The following CKAP2L variants were observed in gnomAD, a reference collection of about 807,000 sequenced individuals.
The protein encoded by CKAP2L is cytoskeleton-associated protein 2-like.
Under a neutral mutation model 65.7 loss-of-function variants are expected in CKAP2L, and 42 were observed. That is an observed-to-expected ratio of 0.64 (90% confidence interval 0.50 to 0.83). The LOEUF (loss-of-function observed/expected upper bound fraction) is 0.83, where lower values mean the gene tolerates loss of function less well. CKAP2L is among the 40% of genes least tolerant of loss of function. The pLI is 0.00. For missense variants in CKAP2L, 908 were observed against 871.0 expected (o/e 1.04, Z -0.53); for synonymous variants, 325 against 313.5 (o/e 1.04, Z -0.39).
chr2:112,741,940 GTTTTTT>G (rs57634251), intron 7 of CKAP2L, among the ~76,000 whole-genome samples: 924 of 71,920 alleles, frequency 0.013, 3 homozygotes, highest in Non-Finnish European at 0.018. Context: ...TTTCTTTTCT[GTTTTTT>G]TTTTTTTTTT....
chr2:112,740,721 G>T, intron 8 of CKAP2L, 97 bp downstream of exon 8: 1 of 952,866 alleles, frequency 1.0e-6, no homozygotes, highest in Non-Finnish European at 1.6e-6. Flanking sequence ...CCTCACTGCA[G>T]GTCAGGTCTC....
chr2:112,741,286 A>G (rs1679945395), intron 7 of CKAP2L, among the ~76,000 whole-genome samples: 1 of 151,984 alleles, frequency 6.6e-6, no homozygotes, highest in Non-Finnish European at 1.5e-5. Flanking sequence ...ACATATCTCC[A>G]GTCTCCTATT....
In CKAP2L at chr2:112,737,989, A is replaced by C. The variant is rs1679449507; in HGVS notation, c.*834T>G. On this transcript the variant is annotated 3_prime_UTR_variant, in exon 9 of 9. Coordinates refer to ENST00000302450, the MANE Select transcript of CKAP2L (RefSeq NM_152515.5). ...ATATTTACATAATGACTAAGGTAAA[A>C]CCTTTCCACAAATAGTTGCCCAGGA... The C allele has an allele frequency of 6.6e-6, 1 of 152,172 alleles. No homozygotes were observed. The allele number at this position is 152,172 out of a possible 1,614,324, so 9.4% of individuals were successfully genotyped here.
chr2:112,746,605 T>C lies in CKAP2L; in HGVS notation c.1603-30A>G, dbSNP rs745339449. The C allele has an allele frequency of 2.0e-6, 3 of 1,517,540 alleles. No individual in the cohort carries two copies. In the African/African-American group the frequency reaches 4.1e-5, roughly 21 times the overall value. 94.0% of individuals were successfully genotyped at this position (1,517,540 alleles called of 1,614,324 possible). A position where few individuals can be genotyped will look rare whatever the true frequency, so the allele number is the denominator to read the frequency against. ...AATAAACCAAAATATCCAGAGGTAA[T>C]TATTACCATTTCACTGTTAGTCTCA... On this transcript the variant is annotated intron_variant, in intron 5 of 8. Coordinates refer to ENST00000302450, the MANE Select transcript of CKAP2L (RefSeq NM_152515.5).
chr2:112,753,007 T>A (rs1049391654), intron 4 of CKAP2L, among the ~76,000 whole-genome samples: 1 of 152,188 alleles, frequency 6.6e-6, no homozygotes, highest in Non-Finnish European at 1.5e-5. Context: ...GTAGCTGATC[T>A]CTGATAGTGC....
At chr2:112,745,769 AGGTCTATAAGGAT>A (rs1268809114) in intron 6 of CKAP2L, among the ~76,000 whole-genome samples, 2 of 152,180 alleles carry the variant, frequency 1.3e-5, no homozygotes, top group African/African-American at 2.4e-5. Flanking sequence ...GGAATGGCAA[AGGTCTATAAGGAT>A]GGTAAATAGG....
intron 7 of CKAP2L, among the ~76,000 whole-genome samples, chr2:112,741,943 T>C (rs1680001322): frequency 1.5e-5 from 2 of 131,532 alleles, no homozygotes; most frequent in South Asian, 2.3e-4. Context: ...CTTTTCTGTT[T>C]TTTTTTTTTT....
intron 3 of CKAP2L, among the ~76,000 whole-genome samples, chr2:112,760,445 TCAGG>T: frequency 6.6e-6 from 1 of 152,322 alleles, no homozygotes; most frequent in Non-Finnish European, 1.5e-5. Context: ...CAGAAAAGTA[TCAGG>T]CACACAGTAA....
chr2:112,740,940 C>T lies in CKAP2L; in HGVS notation c.1890G>A (p.Met630Ile), dbSNP rs533887912. 6.2e-7 allele frequency: 1 copy of T among 1,613,998 alleles called. No homozygotes were observed. Among genetic ancestry groups the T allele is most frequent in the Non-Finnish European group, 8.5e-7 (1 of 1,179,930 alleles). ...ITSVEELAKKMESVKSCLSPK... is the reference protein window; with the variant it reads ...ITSVEELAKKIESVKSCLSPK... ...GAGAAAGACAAGACTTCACAGATTC[C>T]ATCTTCTTGGCCAGCTCTTCCACTG... Residue 630 changes from methionine to isoleucine, a missense_variant, in exon 8 of 9, where the codon ATG (methionine) becomes ATA (isoleucine). Physicochemically the swap from Met to Ile is conservative, Grantham distance 10. Transcript: ENST00000302450.
At chr2:112,750,887 T>C (rs1354465178) in intron 5 of CKAP2L, among the ~76,000 whole-genome samples, 4 of 151,528 alleles carry the variant, frequency 2.6e-5, no homozygotes, top group Non-Finnish European at 5.9e-5. Flanking sequence ...GATGCAGACA[T>C]TGATGCAAGA....
rs754479578 is a variant in CKAP2L, at chr2:112,738,853, T to C, written c.2208A>G (p.Val736=). The change falls in exon 9 of 9, where the codon GTA becomes GTG. Residue 736 remains valine, a synonymous_variant. Transcript: ENST00000302450. Reference sequence around the variant, plus strand: ...ATTCAGGGGTTTGAAACCCCAATGTTACAGGCAGCGCCTCATTTCTACGGA... The same window carrying C: ...ATTCAGGGGTTTGAAACCCCAATGTCACAGGCAGCGCCTCATTTCTACGGA... ...FIFRRNEALP[V]TLGFQTPES 2 of 1,613,130 alleles carry C rather than the reference T, an allele frequency of 1.2e-6. No homozygotes were observed. The highest frequency in any genetic ancestry group is 1.7e-6 in the Non-Finnish European group (2 of 1,179,048).
intron 7 of CKAP2L, among the ~76,000 whole-genome samples, chr2:112,741,446 AC>A (rs943090202): frequency 7.2e-5 from 11 of 152,192 alleles, no homozygotes; most frequent in Non-Finnish European, 1.6e-4. Context: ...ACTGCCTTGG[AC>A]AGTGGGCAAA....
chr2:112,763,377 C>T (rs1234717759), intron 1 of CKAP2L, among the ~76,000 whole-genome samples: 2 of 152,108 alleles, frequency 1.3e-5, no homozygotes, highest in African/African-American at 4.8e-5. Context: ...CCTTATATGG[C>T]TTCCTTTGTT....
Position 112,746,588 on chromosome 2 carries a change from A to T in CKAP2L, c.1603-13T>A, listed in dbSNP as rs755322063. 2 of 1,589,514 alleles carry T rather than the reference A, an allele frequency of 1.3e-6. No homozygotes were observed. The highest frequency in any genetic ancestry group is 1.7e-6 in the Non-Finnish European group (2 of 1,160,334). On this transcript the variant is annotated splice_polypyrimidine_tract_variant and intron_variant, in intron 5 of 8. Coordinates refer to ENST00000302450, the MANE Select transcript of CKAP2L (RefSeq NM_152515.5). ...TAGAAGGTACACCCTGAAATAAACC[A>T]AAATATCCAGAGGTAATTATTACCA... is the stretch of plus-strand genomic sequence containing the variant.
At chr2:112,758,634 G>C (rs1021721036) in intron 3 of CKAP2L, among the ~76,000 whole-genome samples, 2 of 152,124 alleles carry the variant, frequency 1.3e-5, no homozygotes, top group African/African-American at 4.8e-5. Flanking sequence ...TATACACCTC[G>C]GATCTCTCCA....
In CKAP2L at chr2:112,738,835, G is replaced by T; in HGVS notation, c.2226C>A (p.Thr742=). 6.2e-7 allele frequency: 1 copy of T among 1,601,726 alleles called. No homozygotes were observed. The highest frequency in any genetic ancestry group is 1.7e-4 in the Middle Eastern group (1 of 6,034). ...EALPVTLGFQ[T]PES ...AAGCATCAAGAAATTATGATTCAGG[G>T]GTTTGAAACCCCAATGTTACAGGCA... Residue 742 remains threonine, a synonymous_variant, in exon 9 of 9, where the codon ACC becomes ACA. Transcript: ENST00000302450.
At chr2:112,757,693 C>T (rs78994098) in intron 3 of CKAP2L, among the ~76,000 whole-genome samples, 344 of 152,240 alleles carry the variant, frequency 2.3e-3, no homozygotes, top group African/African-American at 8.0e-3. Context: ...CCTGTCCTAA[C>T]AGGTAGTTTT....
chr2:112,746,795 AT>A (rs904233136), intron 5 of CKAP2L, among the ~76,000 whole-genome samples: 15 of 149,750 alleles, frequency 1.0e-4, no homozygotes, highest in Non-Finnish European at 1.5e-4. Context: ...AATAATTATT[AT>A]TTTTTTTTTG....
At chr2:112,750,888 T>C (rs569835771) in intron 5 of CKAP2L, among the ~76,000 whole-genome samples, 6 of 151,682 alleles carry the variant, frequency 4.0e-5, no homozygotes, top group African/African-American at 1.4e-4. Flanking sequence ...ATGCAGACAT[T>C]GATGCAAGAG....
Sources: gnomAD v4.1 joint callset for allele counts (sites outside exome capture counted in the v4.1 genomes callset) on GRCh38, gnomAD v4.1.1 for gene constraint, MANE v1.5 for transcripts, NCBI Gene and HGNC (gene_info 2026-07-23, HGNC 2026-07-21) for gene names.